Variants in RP1L1 observed in about 807,000 individuals in gnomAD.
RP1L1 encodes RP1 like 1, also known as retinitis pigmentosa 1-like 1 protein.
RP1L1 carries 27 observed loss-of-function variants against 15.7 expected under a neutral mutation model. The ratio of observed to expected loss-of-function variants is 1.72; its 90% CI spans 1.27 to 2.38. The LOEUF is 2.38. RP1L1 is among the 30% of genes most tolerant of loss of function. The pLI, the probability that RP1L1 is intolerant of heterozygous loss-of-function variation, is 0.00. For missense variants in RP1L1, 4,798 were observed against 3,075.9 expected, an observed-to-expected ratio of 1.56 and a Z score of -13.24; for synonymous variants, 1,813 against 1,276.7, an observed-to-expected ratio of 1.42 and a Z score of -8.96.
chr8:10,618,285 A>G (rs1798002768), intron 2 of RP1L1, among the ~76,000 whole-genome samples: 1 of 152,142 alleles, frequency 6.6e-6, no homozygotes, highest in African/African-American at 2.4e-5. Flanking sequence ...AGATCCCTGG[A>G]GCCCAGGAGT....
chr8:10,618,526 A>G (rs1798007696), intron 2 of RP1L1, among the ~76,000 whole-genome samples: 1 of 151,916 alleles, frequency 6.6e-6, no homozygotes, highest in Admixed American at 6.6e-5. Flanking sequence ...GAGCAAACAA[A>G]CAAACAAACA....
At chr8:10,613,820 G>T (rs774033171) in intron 3 of RP1L1, among the ~76,000 whole-genome samples, 3 of 152,024 alleles carry the variant, frequency 2.0e-5, no homozygotes, top group Middle Eastern at 3.4e-3. Context: ...CATGATAAGG[G>T]CAGAGCTATT....
At chr8:10,615,351 G>T (rs748508773) in intron 3 of RP1L1, among the ~76,000 whole-genome samples, 1 of 152,204 alleles carries the variant, frequency 6.6e-6, no homozygotes, top group Non-Finnish European at 1.5e-5. Flanking sequence ...ACATAGTCCA[G>T]ACTGTGGCTC....
Position 10,622,864 on chromosome 8 carries a change from G to A in RP1L1, c.338C>T (p.Pro113Leu). ...LCSDKKPPKTPSGPGRPQERN... is the reference protein window; with the variant it reads ...LCSDKKPPKTLSGPGRPQERN... ...CTCCTGTGGCCGGCCTGGTCCACTG[G>A]GGGTCTTGGGGGGCTTCTTATCAGA... is the stretch of plus-strand genomic sequence containing the variant. The change falls in exon 2 of 4, where the codon CCC becomes CTC. Residue 113 changes from proline (P) to leucine (L), a missense_variant. Pro to Leu is a moderately conservative substitution (Grantham distance 98). Transcript: ENST00000382483. The A allele has an allele frequency of 1.9e-6, 3 of 1,613,092 alleles. No homozygotes were observed. Among genetic ancestry groups the A allele is most frequent in the East Asian group, 2.2e-5 (1 of 44,830 alleles).
chr8:10,639,068 C>G (rs2117254222), intron 1 of RP1L1, among the ~76,000 whole-genome samples: 1 of 151,882 alleles, frequency 6.6e-6, no homozygotes, highest in East Asian at 1.9e-4. Context: ...TCACTTGAAC[C>G]TGGGAGGCAG....
intron 1 of RP1L1, among the ~76,000 whole-genome samples, chr8:10,641,937 G>C (rs2117258095): frequency 1.3e-5 from 2 of 152,324 alleles, no homozygotes; most frequent in South Asian, 4.1e-4. Flanking sequence ...GAGGAGGAAT[G>C]AAGCTGGGAG....
At chr8:10,634,052 T>C (rs1224457597) in intron 1 of RP1L1, among the ~76,000 whole-genome samples, 1 of 151,968 alleles carries the variant, frequency 6.6e-6, no homozygotes, top group Non-Finnish European at 1.5e-5. Context: ...CAGCCTCAGC[T>C]CCTACAACAA....
At chr8:10,647,049 C>G (rs946766570) in intron 1 of RP1L1, among the ~76,000 whole-genome samples, 2 of 152,220 alleles carry the variant, frequency 1.3e-5, no homozygotes, top group Non-Finnish European at 2.9e-5. Context: ...ATAAAGGCCA[C>G]GCATCCTCAT....
chr8:10,643,704 G>C (rs541635865), intron 1 of RP1L1, among the ~76,000 whole-genome samples: 5 of 152,166 alleles, frequency 3.3e-5, no homozygotes, highest in African/African-American at 1.2e-4. Flanking sequence ...CACCAGGAAA[G>C]AGAAGATCCT....
At chr8:10,652,763 C>G (rs534829078) in intron 1 of RP1L1, among the ~76,000 whole-genome samples, 1 of 152,180 alleles carries the variant, frequency 6.6e-6, no homozygotes, top group African/African-American at 2.4e-5. Context: ...GAGCCCACGT[C>G]CCCCCTGATT....
At chr8:10,622,062 C>T (rs1280523376) in intron 2 of RP1L1, among the ~76,000 whole-genome samples, 2 of 152,140 alleles carry the variant, frequency 1.3e-5, no homozygotes, top group Admixed American at 6.5e-5. Flanking sequence ...TGGCTCATGC[C>T]TGTAATCCCA....
chr8:10,618,264 C>A (rs1487781709), intron 2 of RP1L1, among the ~76,000 whole-genome samples: 1 of 152,108 alleles, frequency 6.6e-6, no homozygotes, highest in African/African-American at 2.4e-5. Context: ...CTTTGGGGGG[C>A]CGAGGTGGGT....
chr8:10,646,643 C>A (rs1798482756), intron 1 of RP1L1, among the ~76,000 whole-genome samples: 1 of 152,088 alleles, frequency 6.6e-6, no homozygotes, highest in Non-Finnish European at 1.5e-5. Context: ...ACCGAGCCAG[C>A]CCCTCTAAAG....
intron 1 of RP1L1, among the ~76,000 whole-genome samples, chr8:10,654,359 T>A (rs757885250): frequency 7.2e-5 from 11 of 152,154 alleles, no homozygotes; most frequent in Admixed American, 5.2e-4. Context: ...ACCTCATTGA[T>A]AGGGACCTTC....
At chr8:10,651,066 CT>C (rs1798552928) in intron 1 of RP1L1, among the ~76,000 whole-genome samples, 1 of 152,318 alleles carries the variant, frequency 6.6e-6, no homozygotes, top group East Asian at 1.9e-4. Flanking sequence ...ACCTTGAGAT[CT>C]AGTCTGTAAG....
chr8:10,649,663 G>C (rs531151541), intron 1 of RP1L1, among the ~76,000 whole-genome samples: 63 of 152,346 alleles, frequency 4.1e-4, no homozygotes, highest in African/African-American at 1.5e-3. Flanking sequence ...TGGATCACTT[G>C]AGAGCAGGAG....
chr8:10,618,548 CAGGCAT>C (rs1450907013), intron 2 of RP1L1, among the ~76,000 whole-genome samples: 2 of 151,858 alleles, frequency 1.3e-5, no homozygotes, highest in South Asian at 2.1e-4. Flanking sequence ...AAAAATTAGC[CAGGCAT>C]AGTGGCATGT....
Position 10,612,060 on chromosome 8 carries a change from A to T in RP1L1, c.2038T>A (p.Ser680Thr). 2 of 1,613,826 alleles carry T rather than the reference A, an allele frequency of 1.2e-6. No individual in the cohort carries two copies. Among genetic ancestry groups the T allele is most frequent in the Non-Finnish European group, 1.7e-6 (2 of 1,180,018 alleles). The change falls in exon 4 of 4, where the codon TCC becomes ACC. Residue 680 changes from serine to threonine, a missense_variant. Transcript: ENST00000382483. ...CTCGGCACTTGCTTGGTTACAGAGGAGTCCAGTGGGCTGTGGGTGTCCTTG... is the reference window on the plus strand; with the variant it reads ...CTCGGCACTTGCTTGGTTACAGAGGTGTCCAGTGGGCTGTGGGTGTCCTTG... The part of the protein sequence containing the change: ...YRKDTHSPLD[S>T]SVTKQVPRPP...
At chr8:10,624,331 C>G (rs1354583694) in intron 1 of RP1L1, among the ~76,000 whole-genome samples, 1 of 152,214 alleles carries the variant, frequency 6.6e-6, no homozygotes, top group Non-Finnish European at 1.5e-5. Context: ...AACAGACACG[C>G]TCCTACACAC....
Sources: allele counts gnomAD v4.1 joint callset (sites outside exome capture counted in the v4.1 genomes callset), GRCh38; gene constraint gnomAD v4.1.1; transcripts MANE v1.5; gene names NCBI Gene and HGNC (gene_info 2026-07-23, HGNC 2026-07-21).